SLCO1C1: variants seen among roughly 807,000 people sequenced by gnomAD.
SLCO1C1 encodes OAT-RP-5.
A neutral mutation model predicts 76.4 loss-of-function variants in SLCO1C1; 70 were observed. That is an observed-to-expected ratio of 0.92 (90% CI 0.76 to 1.12). The LOEUF (loss-of-function observed/expected upper bound fraction) is 1.12. Ranked by LOEUF, SLCO1C1 falls within the 50% of genes most tolerant of loss-of-function variation. The probability of loss-of-function intolerance (pLI) is 0.00; values close to 1 mark genes in which losing one functional copy is unlikely to be tolerated. For missense variants in SLCO1C1, 912 were observed against 823.8 expected (o/e 1.11, Z -1.31); for synonymous variants, 306 against 286.1 (o/e 1.07, Z -0.70).
At chr12:20,728,406 A>G (rs984285634) in intron 9 of SLCO1C1, among the ~76,000 whole-genome samples, 1 of 152,062 alleles carries the variant, frequency 6.6e-6, no homozygotes, top group Non-Finnish European at 1.5e-5. Flanking sequence ...CCTTCTCAAT[A>G]CAGAGACTGT....
At chr12:20,746,096 C>CT (rs960713832) in intron 13 of SLCO1C1, among the ~76,000 whole-genome samples, 2 of 151,862 alleles carry the variant, frequency 1.3e-5, no homozygotes, top group African/African-American at 2.4e-5. Flanking sequence ...GATTATGGGA[C>CT]TTTTTTTATA....
intron 9 of SLCO1C1, among the ~76,000 whole-genome samples, chr12:20,730,000 T>C (rs746265926): frequency 2.0e-5 from 3 of 152,110 alleles, no homozygotes; most frequent in Non-Finnish European, 4.4e-5. Flanking sequence ...CAGGCTATTC[T>C]AGGCTGCTGG....
chr12:20,749,370 T>C (rs1448635393), intron 13 of SLCO1C1, among the ~76,000 whole-genome samples: 2 of 152,144 alleles, frequency 1.3e-5, no homozygotes, highest in South Asian at 2.1e-4. Context: ...ACTCCAAGTG[T>C]AGGCAGCGGT....
intron 7 of SLCO1C1, among the ~76,000 whole-genome samples, chr12:20,718,673 A>G (rs1371592477): frequency 6.6e-6 from 1 of 152,162 alleles, no homozygotes; most frequent in Non-Finnish European, 1.5e-5. Context: ...ACAGACATTC[A>G]ATATGTAAAT....
chr12:20,701,074 C>A (rs889960583), intron 2 of SLCO1C1, among the ~76,000 whole-genome samples: 1 of 152,050 alleles, frequency 6.6e-6, no homozygotes, highest in African/African-American at 2.4e-5. Context: ...TAATTCAATA[C>A]ACATTTCGCA....
intron 10 of SLCO1C1, among the ~76,000 whole-genome samples, chr12:20,735,327 T>A (rs1948489065): frequency 6.6e-6 from 1 of 152,076 alleles, no homozygotes. Flanking sequence ...CCTGGCAGGG[T>A]TCAGTTTCCA....
rs370300585 is a variant in SLCO1C1 at position 20,712,000 on chromosome 12, T to C, written c.529+490T>C. On this transcript the variant is annotated intron_variant, in intron 5 of 14. Coordinates refer to ENST00000266509, the MANE Select transcript of SLCO1C1 (RefSeq NM_017435.5). Reference sequence around the variant, plus strand: ...TACATAAGAGTAAAATGGGCAGCTATGGTGGGAGCTCTTGGTGTTATCAGT... The same window carrying C: ...TACATAAGAGTAAAATGGGCAGCTACGGTGGGAGCTCTTGGTGTTATCAGT... 6.0e-4 allele frequency among the ~76,000 whole-genome samples: 92 copies of C among 152,300 alleles called. 3 individuals are homozygous for C. The South Asian group carries it at 0.019, about 31-fold the overall frequency.
chr12:20,747,218 AG>A (rs1463291888), intron 13 of SLCO1C1, among the ~76,000 whole-genome samples: 1 of 152,134 alleles, frequency 6.6e-6, no homozygotes, highest in Non-Finnish European at 1.5e-5. Context: ...TGAGGCCAGG[AG>A]TTCGAGACCA....
At chr12:20,724,651 T>C (rs1200218770) in intron 9 of SLCO1C1, among the ~76,000 whole-genome samples, 3 of 148,510 alleles carry the variant, frequency 2.0e-5, no homozygotes, top group Non-Finnish European at 4.5e-5. Flanking sequence ...TATACTCTTT[T>C]GTGTCTAGCT....
Position 20,708,532 on chromosome 12 carries a change from C to T in SLCO1C1, c.404+2451C>T, listed in dbSNP as rs115705038. ...TGGTTGCAGTATCAAGTAGGGTAGT[C>T]AACGTATGGCTCACATAGTTGGTGA... On this transcript the variant is annotated intron_variant, in intron 4 of 14. Transcript: ENST00000266509. Among the ~76,000 whole-genome samples the T allele has an allele frequency of 1.4e-3, 209 of 152,046 alleles. 2 individuals carry two copies. Among genetic ancestry groups the T allele is most frequent in the African/African-American group, 4.9e-3 (204 of 41,492 alleles).
chr12:20,722,373 G>C (rs2038475320), intron 8 of SLCO1C1, among the ~76,000 whole-genome samples: 1 of 152,198 alleles, frequency 6.6e-6, no homozygotes, highest in South Asian at 2.1e-4. Context: ...CTTCAAGGTT[G>C]GCAGCCTTTC....
rs73085062 is a variant in SLCO1C1 at position 20,713,879 on chromosome 12, A to G, written c.530-1260A>G. On this transcript the variant is annotated intron_variant, in intron 5 of 14. Transcript: ENST00000266509. Reference sequence around the variant, plus strand: ...ATGGTTATTGAATTAAAAAGCACAGACCTAAGGTGCCTACACTTCTCTACA... The same window carrying G: ...ATGGTTATTGAATTAAAAAGCACAGGCCTAAGGTGCCTACACTTCTCTACA... Among the ~76,000 whole-genome samples, 775 of 152,326 alleles carry G rather than the reference A, an allele frequency of 5.1e-3. 5 individuals carry two copies. The highest frequency in any genetic ancestry group is 8.4e-3 in the Non-Finnish European group (571 of 68,026).
intron 6 of SLCO1C1, among the ~76,000 whole-genome samples, chr12:20,716,229 T>G (rs1947354654): frequency 6.6e-6 from 1 of 152,104 alleles, no homozygotes; most frequent in Non-Finnish European, 1.5e-5. Context: ...AACAGAAAAC[T>G]TCAGTAAAAT....
In SLCO1C1 at chr12:20,752,415, A is replaced by G. The variant is rs930062570; in HGVS notation, c.2026A>G (p.Ile676Val). 7.4e-6 allele frequency: 12 copies of G among 1,613,466 alleles called. No individual in the cohort carries two copies. The highest frequency in any genetic ancestry group is 1.0e-5 in the Non-Finnish European group (12 of 1,179,650). The change falls in exon 15 of 15, where the codon ATA becomes GTA. Residue 676 changes from isoleucine (I) to valine (V), a missense_variant. Coordinates refer to ENST00000266509, the MANE Select transcript of SLCO1C1 (RefSeq NM_017435.5). The part of the protein sequence containing the change: ...KNYVSKHRSF[I>V]TKRERTMVST... The stretch of plus-strand genomic sequence containing the variant: ...TTATGTTTCAAAACACAGAAGTTTT[A>G]TAACCAAGAGAGAAAGAACAATGGT...
At chr12:20,717,879 T>C (rs975895181) in intron 7 of SLCO1C1, among the ~76,000 whole-genome samples, 1 of 151,834 alleles carries the variant, frequency 6.6e-6, no homozygotes, top group Non-Finnish European at 1.5e-5. Flanking sequence ...TTGTCAGTAT[T>C]TTTTTAAAGA....
At chr12:20,713,016 G>A (rs1727061757) in intron 5 of SLCO1C1, among the ~76,000 whole-genome samples, 1 of 151,970 alleles carries the variant, frequency 6.6e-6, no homozygotes, top group African/African-American at 2.4e-5. Flanking sequence ...CAAATAAGGA[G>A]GCAGGAAACT....
chr12:20,743,283 A>G (rs776937672), intron 12 of SLCO1C1, 22 bp from the exon 13 acceptor site: 3 of 1,607,654 alleles, frequency 1.9e-6, no homozygotes, highest in Non-Finnish European at 2.6e-6. Flanking sequence ...ATTTCTTGTA[A>G]TGGTGCTTTT....
chr12:20,740,787 T>TTATATATATATATATATA lies in SLCO1C1; in HGVS notation c.1733+433_1733+450dup, dbSNP rs71039980. Among the ~76,000 whole-genome samples the TTATATATATATATATATA allele has an allele frequency of 8.8e-3, 660 of 74,906 alleles. 25 individuals are homozygous for TTATATATATATATATATA. The highest frequency in any genetic ancestry group is 0.019 in the African/African-American group (348 of 18,360). 49.1% of individuals were successfully genotyped at this position (74,906 alleles called of 152,430 possible). On this transcript the variant is annotated intron_variant, in intron 12 of 14. Coordinates refer to ENST00000266509, the MANE Select transcript of SLCO1C1 (RefSeq NM_017435.5). ...ACAACAATGTTAGAATTTATTTTAT[T>TTATATATATATATATATA]TATATATATATATATATATATATAT...
At chr12:20,696,198 G>A (rs1200610869) in intron 1 of SLCO1C1, among the ~76,000 whole-genome samples, 2 of 152,100 alleles carry the variant, frequency 1.3e-5, no homozygotes, top group Non-Finnish European at 2.9e-5. Flanking sequence ...TTTGTATTAG[G>A]TGAGAAATTA....
Sources: allele counts gnomAD v4.1 joint callset (sites outside exome capture counted in the v4.1 genomes callset), GRCh38; gene constraint gnomAD v4.1.1; transcripts MANE v1.5; gene names NCBI Gene and HGNC (gene_info 2026-07-23, HGNC 2026-07-21).